The following ZNF782 variants were observed in gnomAD, a reference collection of about 807,000 sequenced individuals.
The protein encoded by ZNF782 is zinc finger protein 782.
Under a neutral mutation model 13.0 loss-of-function variants are expected in ZNF782, and 12 were observed. That is an observed-to-expected ratio of 0.92 (90% confidence interval 0.59 to 1.50). The LOEUF is 1.50. Among genes scored for constraint, ZNF782 ranks in the 40% most tolerant of loss-of-function variants. ZNF782 has a pLI of 0.00. For synonymous variants in ZNF782, 284 were observed against 283.0 expected (o/e 1.00, Z -0.04); for missense variants, 770 against 822.9 (o/e 0.94, Z 0.79).
chr9:96,817,346 T>G lies in ZNF782; in HGVS notation c.*577A>C, dbSNP rs1284110190. 6.6e-6 allele frequency: 1 copy of G among 152,310 alleles called. No homozygotes were observed. The highest frequency in any genetic ancestry group is 2.4e-5 in the African/African-American group (1 of 41,468). The allele number at this position is 152,310 out of a possible 1,614,324, so 9.4% of individuals were successfully genotyped here. A position where few individuals can be genotyped will look rare whatever the true frequency, so the allele number is the denominator to read the frequency against. On this transcript the variant is annotated 3_prime_UTR_variant, in exon 6 of 6. Transcript: ENST00000481138. ...CTAGTGAACATTTCAATAGTTATTA[T>G]ACGACATATAGGGATTACCTCTGTG...
At chr9:96,821,225 C>T (rs896362496) in intron 5 of ZNF782, among the ~76,000 whole-genome samples, 6 of 152,200 alleles carry the variant, frequency 3.9e-5, no homozygotes, top group African/African-American at 1.4e-4. Flanking sequence ...TAACTGTAGG[C>T]TCATTACATG....
upstream of ZNF782, chr9:96,854,627 A>G (rs966789478): frequency 1.3e-5 from 2 of 152,034 alleles, no homozygotes; most frequent in East Asian, 1.9e-4. Flanking sequence ...CTTCGACGTG[A>G]CTCCTCACGT....
At chr9:96,878,818 A>G (rs73654629), upstream of ZNF782, among the ~76,000 whole-genome samples, 8 of 152,118 alleles carry the variant, frequency 5.3e-5, no homozygotes, top group Non-Finnish European at 1.0e-4. Context: ...AGAATTGTGC[A>G]GTTAAAATGT....
At chr9:96,879,860 G>A (rs1195232188), upstream of ZNF782, among the ~76,000 whole-genome samples, 1 of 152,050 alleles carries the variant, frequency 6.6e-6, no homozygotes, top group Admixed American at 6.6e-5. Context: ...TCACTTATTC[G>A]TTTTAGGATT....
At chr9:96,907,685 G>A in the ZNF782 span, among the ~76,000 whole-genome samples, 1 of 151,382 alleles carries the variant, frequency 6.6e-6, no homozygotes, top group Non-Finnish European at 1.5e-5. Context: ...TGGTCGCCCA[G>A]GCTAGAGTGC....
At chr9:96,923,199 T>G in the ZNF782 span, among the ~76,000 whole-genome samples, 4 of 149,898 alleles carry the variant, frequency 2.7e-5, no homozygotes, top group African/African-American at 9.8e-5. Context: ...TCAATACTCA[T>G]GGAGTTCCCT....
chr9:96,826,334 G>A (rs1223096710), intron 5 of ZNF782, among the ~76,000 whole-genome samples: 1 of 151,436 alleles, frequency 6.6e-6, no homozygotes, highest in Non-Finnish European at 1.5e-5. Flanking sequence ...TCACTCATAG[G>A]TGGGAATTGA....
Position 96,819,682 on chromosome 9 carries a change from T to G in ZNF782, c.341A>C (p.Glu114Ala). ...VLFTNKLLTT[E>A]QEISGKPHNR... is the part of the protein sequence containing the mutation. ...ATGTGGTTTTCCTGAAATTTCTTGCTCTGTAGTCAATAATTTATTGGTGAA... is the reference window on the plus strand; with the variant it reads ...ATGTGGTTTTCCTGAAATTTCTTGCGCTGTAGTCAATAATTTATTGGTGAA... Residue 114 changes from glutamate to alanine, a missense_variant, in exon 6 of 6, where the codon GAG becomes GCG. Physicochemically the swap from Glu to Ala is moderately radical, Grantham distance 107. Coordinates refer to ENST00000481138, the MANE Select transcript of ZNF782 (RefSeq NM_001001662.3). The G allele has an allele frequency of 6.2e-7, 1 of 1,613,912 alleles. No individual in the cohort carries two copies. The highest frequency in any genetic ancestry group is 8.5e-7 in the Non-Finnish European group (1 of 1,179,994).
Position 96,827,060 on chromosome 9 carries a change from T to TCA in ZNF782, c.244+19_244+20insTG. 1 of 1,545,624 alleles carries TCA rather than the reference T, an allele frequency of 6.5e-7. No individual in the cohort carries two copies. Among genetic ancestry groups the TCA allele is most frequent in the African/African-American group, 1.4e-5 (1 of 73,574 alleles). The stretch of plus-strand genomic sequence containing the variant: ...CTAGTGAATCAGAGAACCTTCTTCT[T>TCA]GTTGAATTCAGTAACTCACCTGGGG... On this transcript the variant is annotated intron_variant, in intron 5 of 5. Transcript: ENST00000481138.
intron 4 of ZNF782, among the ~76,000 whole-genome samples, chr9:96,830,838 C>T (rs929814468): frequency 6.6e-6 from 1 of 151,952 alleles, no homozygotes; most frequent in Non-Finnish European, 1.5e-5. Context: ...CAATAAGAAA[C>T]ATGAAACAAA....
At chr9:96,927,398 CTG>C in the ZNF782 span, among the ~76,000 whole-genome samples, 1 of 151,638 alleles carries the variant, frequency 6.6e-6, no homozygotes, top group African/African-American at 2.4e-5. Flanking sequence ...TCCCTTAAAA[CTG>C]TGCGTACTGC....
chr9:96,873,073 CTG>C (rs1851846253), intron 1 of ZNF782, among the ~76,000 whole-genome samples: 1 of 142,364 alleles, frequency 7.0e-6, no homozygotes, highest in Non-Finnish European at 1.5e-5. Context: ...TATCAAATCA[CTG>C]TTAGTTTTTT....
intron 5 of ZNF782, among the ~76,000 whole-genome samples, chr9:96,820,373 T>C (rs977511706): frequency 6.6e-6 from 1 of 152,162 alleles, no homozygotes; most frequent in Non-Finnish European, 1.5e-5. Context: ...AATACTACTA[T>C]AGACAACATT....
At chr9:96,880,353 T>C (rs1851947688), upstream of ZNF782, among the ~76,000 whole-genome samples, 1 of 152,226 alleles carries the variant, frequency 6.6e-6, no homozygotes, top group African/African-American at 2.4e-5. Context: ...ACACTTGCCT[T>C]GGTCCTGATT....
intron 3 of ZNF782, 80 bp downstream of exon 3, chr9:96,851,866 CT>C: frequency 7.5e-7 from 1 of 1,341,052 alleles, no homozygotes; most frequent in Non-Finnish European, 1.1e-6. Context: ...TCTATTTCTC[CT>C]TTTCCATTTA....
chr9:96,878,576 C>T (rs1017702523), upstream of ZNF782, among the ~76,000 whole-genome samples: 23 of 152,146 alleles, frequency 1.5e-4, no homozygotes, highest in African/African-American at 5.6e-4. Flanking sequence ...TTACAATTTT[C>T]TTTTAACATG....
At chr9:96,866,012 A>C (rs1234864446) in intron 1 of ZNF782, among the ~76,000 whole-genome samples, 1 of 152,238 alleles carries the variant, frequency 6.6e-6, no homozygotes, top group Non-Finnish European at 1.5e-5. Context: ...TCTGTTTTAA[A>C]AGGGACACAG....
the ZNF782 span, among the ~76,000 whole-genome samples, chr9:96,903,897 T>C: frequency 1.3e-5 from 2 of 151,642 alleles, no homozygotes; most frequent in Middle Eastern, 3.4e-3. Context: ...TACCTAGGAG[T>C]GGGACTGGTG....
chr9:96,835,100 C>T (rs560388923), intron 4 of ZNF782, among the ~76,000 whole-genome samples: 3 of 152,300 alleles, frequency 2.0e-5, no homozygotes, highest in East Asian at 3.9e-4. Context: ...AAGAAGGTGG[C>T]TGTATTGTCT....
Sources: allele counts gnomAD v4.1 joint callset (sites outside exome capture counted in the v4.1 genomes callset), GRCh38; gene constraint gnomAD v4.1.1; transcripts MANE v1.5; gene names NCBI Gene and HGNC (gene_info 2026-07-23, HGNC 2026-07-21).